Variants in TRIM5 observed in about 807,000 individuals in gnomAD.
TRIM5 encodes the protein tripartite motif containing 5.
Under a neutral mutation model 35.6 loss-of-function variants are expected in TRIM5, and 31 were observed. The ratio of observed to expected loss-of-function variants is 0.87; its 90% confidence interval spans 0.65 to 1.18. The LOEUF (loss-of-function observed/expected upper bound fraction) is 1.18. Among genes scored for constraint, TRIM5 ranks in the 50% most tolerant of loss-of-function variants. The probability of loss-of-function intolerance (pLI) is 0.00; values close to 1 mark genes in which losing one functional copy is unlikely to be tolerated. For synonymous variants in TRIM5, 243 were observed against 215.6 expected (o/e 1.13, Z -1.11); for missense variants, 609 against 591.6 (o/e 1.03, Z -0.31).
the TRIM5 span, among the ~76,000 whole-genome samples, chr11:5,636,975 T>A: frequency 2.0e-5 from 3 of 152,234 alleles, no homozygotes; most frequent in South Asian, 4.1e-4. Context: ...TGAAACCCCG[T>A]CTCTACTAAA....
chr11:5,642,753 AT>A, the TRIM5 span: 1 of 1,603,760 alleles, frequency 6.2e-7, no homozygotes, highest in South Asian at 1.1e-5. Flanking sequence ...TCTAAAGAAT[AT>A]ATAGGTATCA....
At chr11:5,644,830 G>A in the TRIM5 span, among the ~76,000 whole-genome samples, 5 of 152,184 alleles carry the variant, frequency 3.3e-5, no homozygotes, top group Admixed American at 3.3e-4. Context: ...CCCAGTGTTG[G>A]AGGTGGGGCC....
At chr11:5,608,305 G>A in the TRIM5 span, 1 of 1,603,168 alleles carries the variant, frequency 6.2e-7, no homozygotes, top group Non-Finnish European at 8.5e-7. Context: ...AGGGGACATG[G>A]AAGGAGAAAT....
At chr11:5,610,042 A>G in the TRIM5 span, 1 of 1,197,964 alleles carries the variant, frequency 8.3e-7, no homozygotes, top group Non-Finnish European at 1.2e-6. Context: ...GTATTCAGAA[A>G]GGAGGATTGG....
At chr11:5,621,745 C>A in the TRIM5 span, among the ~76,000 whole-genome samples, 48,495 of 152,020 alleles carry the variant, frequency 0.32, 8,432 homozygotes, top group East Asian at 0.62. Context: ...ACATAAATGC[C>A]TATCTGATTG....
At chr11:5,624,278 C>A in the TRIM5 span, among the ~76,000 whole-genome samples, 1 of 151,976 alleles carries the variant, frequency 6.6e-6, no homozygotes, top group Non-Finnish European at 1.5e-5. Flanking sequence ...TAATATGCAC[C>A]CATTTACTGT....
At chr11:5,672,581 G>T (rs902407940) in intron 4 of TRIM5, among the ~76,000 whole-genome samples, 3 of 151,952 alleles carry the variant, frequency 2.0e-5, no homozygotes, top group Non-Finnish European at 2.9e-5. Context: ...TTCCTCCAAA[G>T]ATTTACCCAA....
At chr11:5,616,737 C>CTT in the TRIM5 span, among the ~76,000 whole-genome samples, 1 of 126,562 alleles carries the variant, frequency 7.9e-6, no homozygotes, top group African/African-American at 2.9e-5. Context: ...CGAGAATAAC[C>CTT]TTTTTTTTTT....
chr11:5,610,147 G>A, the TRIM5 span: 2 of 1,614,080 alleles, frequency 1.2e-6, no homozygotes, highest in Non-Finnish European at 1.7e-6. Context: ...CTTTCTAGGA[G>A]TGAGTTCTGG....
the TRIM5 span, among the ~76,000 whole-genome samples, chr11:5,596,497 TCCCCCCTTC>T: frequency 1.0e-5 from 1 of 97,952 alleles, no homozygotes; most frequent in Admixed American, 1.1e-4. Context: ...CAGCATCCCT[TCCCCCCTTC>T]CCCCGTTCTC....
At chr11:5,644,884 G>C in the TRIM5 span, among the ~76,000 whole-genome samples, 1 of 152,100 alleles carries the variant, frequency 6.6e-6, no homozygotes, top group Non-Finnish European at 1.5e-5. Context: ...GGAGGGCCTC[G>C]CACCATCCCC....
intron 7 of TRIM5, 83 bp downstream of exon 7, chr11:5,665,573 T>G (rs753611613): frequency 1.9e-6 from 3 of 1,584,656 alleles, no homozygotes; most frequent in South Asian, 2.4e-5. Flanking sequence ...ATGAGCCTAA[T>G]AGAGAACATA....
the TRIM5 span, chr11:5,642,475 A>T: frequency 2.7e-5 from 43 of 1,613,968 alleles, no homozygotes; most frequent in Non-Finnish European, 3.4e-5. Flanking sequence ...TCCATGCTCC[A>T]GATCTGAGTA....
At chr11:5,605,707 TA>T in the TRIM5 span, 2 of 1,054,026 alleles carry the variant, frequency 1.9e-6, no homozygotes, top group Non-Finnish European at 2.7e-6. Context: ...TATCCCCTAT[TA>T]AACTGTTTAG....
At chr11:5,620,764 T>G in the TRIM5 span, among the ~76,000 whole-genome samples, 10 of 152,156 alleles carry the variant, frequency 6.6e-5, no homozygotes, top group African/African-American at 1.9e-4. Flanking sequence ...CAGATTAGCT[T>G]CTTCTTTCCA....
the TRIM5 span, among the ~76,000 whole-genome samples, chr11:5,644,782 A>AT: frequency 2.0e-5 from 3 of 152,188 alleles, no homozygotes; most frequent in South Asian, 6.2e-4. Context: ...AATAGTTGGG[A>AT]TTTTTGTCCT....
chr11:5,615,585 T>TTG, the TRIM5 span, among the ~76,000 whole-genome samples: 6 of 96,606 alleles, frequency 6.2e-5, no homozygotes, highest in African/African-American at 2.0e-4. Context: ...TTGTTTTTTT[T>TTG]TTGTTGTTGT....
the TRIM5 span, chr11:5,596,986 A>G: frequency 7.4e-6 from 12 of 1,610,790 alleles, no homozygotes; most frequent in Non-Finnish European, 1.0e-5. Flanking sequence ...TGAAAGAGAT[A>G]AGGTCCTTTC....
At chr11:5,618,466 A>C in the TRIM5 span, among the ~76,000 whole-genome samples, 3 of 152,250 alleles carry the variant, frequency 2.0e-5, no homozygotes, top group African/African-American at 7.2e-5. Context: ...TATATTACTC[A>C]TAAATGATAT....
Sources: gnomAD v4.1 joint callset for allele counts (sites outside exome capture counted in the v4.1 genomes callset) on GRCh38, gnomAD v4.1.1 for gene constraint, MANE v1.5 for transcripts, NCBI Gene and HGNC (gene_info 2026-07-23, HGNC 2026-07-21) for gene names.